Variants in MED12L observed in about 807,000 individuals in gnomAD.
The protein encoded by MED12L is mediator of RNA polymerase II transcription subunit 12-like protein.
MED12L carries 60 observed loss-of-function variants against 281.3 expected under a neutral mutation model. That is an observed-to-expected ratio of 0.21 (90% confidence interval 0.17 to 0.26). The LOEUF is 0.26. Among genes scored for constraint, MED12L ranks in the 10% least tolerant of loss-of-function variants. The probability of loss-of-function intolerance (pLI) is 1.00; values close to 1 mark genes in which losing one functional copy is unlikely to be tolerated. For missense variants in MED12L, 2,146 were observed against 2,680.9 expected, an observed-to-expected ratio of 0.80 and a Z score of 4.41; for synonymous variants, 974 against 987.2, an observed-to-expected ratio of 0.99 and a Z score of 0.25.
Position 151,218,448 on chromosome 3 carries a change from T to C in MED12L, c.2250+24782T>C, listed in dbSNP as rs142761522. 2.0e-3 allele frequency among the ~76,000 whole-genome samples: 298 copies of C among 152,364 alleles called. 2 individuals are homozygous for C. The highest frequency in any genetic ancestry group is 6.8e-3 in the African/African-American group (284 of 41,590). ...TCATTGATAGTTACTTCTGGTATTA[T>C]CACTGAATTTCTGCTGTGAAAGTTG... On this transcript the variant is annotated intron_variant, in intron 16 of 44. Transcript: ENST00000687756.
At chr3:151,222,968 A>T (rs1336636470) in intron 16 of MED12L, among the ~76,000 whole-genome samples, 1 of 152,128 alleles carries the variant, frequency 6.6e-6, no homozygotes, top group East Asian at 1.9e-4. Flanking sequence ...GTAAATTGGT[A>T]TTTTATACCT....
At chr3:151,257,786 A>C (rs1000831574) in intron 16 of MED12L, among the ~76,000 whole-genome samples, 2 of 152,170 alleles carry the variant, frequency 1.3e-5, no homozygotes, top group Admixed American at 1.3e-4. Flanking sequence ...TCTGGCTTAC[A>C]TTTTAGACCA....
At chr3:151,148,967 G>T (rs1052953550) in intron 5 of MED12L, among the ~76,000 whole-genome samples, 1 of 152,180 alleles carries the variant, frequency 6.6e-6, no homozygotes, top group African/African-American at 2.4e-5. Flanking sequence ...AAGGAATTTG[G>T]CCTTTTCCCT....
chr3:151,231,157 G>A (rs1731589099), intron 16 of MED12L, among the ~76,000 whole-genome samples: 1 of 152,162 alleles, frequency 6.6e-6, no homozygotes, highest in South Asian at 2.1e-4. Context: ...ATTACAAAAA[G>A]GTAGGATGCA....
chr3:151,230,665 T>C (rs1258238938), intron 16 of MED12L, among the ~76,000 whole-genome samples: 3 of 152,126 alleles, frequency 2.0e-5, no homozygotes, highest in Non-Finnish European at 1.5e-5. Flanking sequence ...TCAACGTCTC[T>C]TTCTAAGGGC....
intron 36 of MED12L, among the ~76,000 whole-genome samples, chr3:151,386,774 C>G (rs1353345279): frequency 6.6e-6 from 1 of 152,048 alleles, no homozygotes; most frequent in Non-Finnish European, 1.5e-5. Flanking sequence ...CGGAGTTTCA[C>G]CATCTTGGCC....
intron 2 of MED12L, among the ~76,000 whole-genome samples, chr3:151,115,127 A>G (rs1038071915): frequency 6.6e-6 from 1 of 152,134 alleles, no homozygotes; most frequent in Non-Finnish European, 1.5e-5. Flanking sequence ...TTGCAGCTCT[A>G]AACTTCCCTT....
At chr3:151,426,880 C>T (rs1382951978) in intron 43 of MED12L, among the ~76,000 whole-genome samples, 1 of 150,732 alleles carries the variant, frequency 6.6e-6, no homozygotes, top group Non-Finnish European at 1.5e-5. Context: ...TGCAGTGGTA[C>T]GATCACGGCT....
At position 151,296,524 on chromosome 3, in the gene MED12L, T is replaced by C. The variant is rs1039728050; in HGVS notation, c.2251-53535T>C. On this transcript the variant is annotated intron_variant, in intron 16 of 44. Transcript: ENST00000687756. The stretch of plus-strand genomic sequence containing the variant: ...CAAAGGACTTTGGCTGGAGGAGTAC[T>C]TACCAGTCTTCAAACCTTTTCTTTG... Among the ~76,000 whole-genome samples the C allele has an allele frequency of 5.9e-5, 9 of 152,248 alleles. No individual in the cohort carries two copies. In the East Asian group the frequency reaches 1.7e-3, roughly 29 times the overall value.
At chr3:151,354,827 A>T (rs1261105783) in intron 17 of MED12L, among the ~76,000 whole-genome samples, 3 of 152,214 alleles carry the variant, frequency 2.0e-5, no homozygotes, top group Non-Finnish European at 4.4e-5. Flanking sequence ...AGCATATACT[A>T]TATGATTTCC....
At chr3:151,225,507 T>C (rs1029360337) in intron 16 of MED12L, among the ~76,000 whole-genome samples, 1 of 152,142 alleles carries the variant, frequency 6.6e-6, no homozygotes, top group Non-Finnish European at 1.5e-5. Flanking sequence ...TCACGAGGCC[T>C]TTGCTATCAT....
intron 11 of MED12L, among the ~76,000 whole-genome samples, chr3:151,174,235 A>T (rs1341347662): frequency 6.6e-6 from 1 of 152,168 alleles, no homozygotes; most frequent in Admixed American, 6.5e-5. Flanking sequence ...TATTTTAAAT[A>T]TGAGAGACAT....
intron 28 of MED12L, 53 bp downstream of exon 28, chr3:151,376,267 T>C (rs1756841958): frequency 7.8e-7 from 1 of 1,285,260 alleles, no homozygotes; most frequent in African/African-American, 1.5e-5. Context: ...TTCGTAATAA[T>C]AAAAAGAGTT....
chr3:151,258,946 C>T (rs1213022988), intron 16 of MED12L, among the ~76,000 whole-genome samples: 2 of 152,034 alleles, frequency 1.3e-5, no homozygotes, highest in East Asian at 3.9e-4. Flanking sequence ...GTGCTGTTAG[C>T]CTCTGCAGGC....
At chr3:151,178,157 CAAAAAAAAAAAA>C (rs10572929) in intron 11 of MED12L, among the ~76,000 whole-genome samples, 41 of 49,170 alleles carry the variant, frequency 8.3e-4, no homozygotes, top group African/African-American at 2.0e-3. Flanking sequence ...GACTTGGTCT[CAAAAAAAAAAAA>C]AAAAAAAAAA....
At chr3:151,180,886 A>G (rs190170706) in intron 11 of MED12L, among the ~76,000 whole-genome samples, 13 of 152,330 alleles carry the variant, frequency 8.5e-5, no homozygotes, top group African/African-American at 3.1e-4. Flanking sequence ...ATTTCACTAC[A>G]TTGTTTAACA....
At chr3:151,293,985 C>T in intron 16 of MED12L, 1 of 576,538 alleles carries the variant, frequency 1.7e-6, no homozygotes, top group Non-Finnish European at 3.1e-6. Context: ...GCCATTCACC[C>T]ATACGCTACC....
chr3:151,429,395 G>A (rs1034834603), intron 43 of MED12L, among the ~76,000 whole-genome samples: 2 of 152,136 alleles, frequency 1.3e-5, no homozygotes, highest in African/African-American at 4.8e-5. Flanking sequence ...GCACCGTGCT[G>A]GTGTATGTGC....
intron 2 of MED12L, among the ~76,000 whole-genome samples, chr3:151,111,063 CTG>C (rs1711803568): frequency 6.6e-6 from 1 of 152,232 alleles, no homozygotes; most frequent in African/African-American, 2.4e-5. Flanking sequence ...AGTGGGAACT[CTG>C]TGGGTGGGAC....
Sources: gnomAD v4.1 joint callset for allele counts (sites outside exome capture counted in the v4.1 genomes callset) on GRCh38, gnomAD v4.1.1 for gene constraint, MANE v1.5 for transcripts, NCBI Gene and HGNC (gene_info 2026-07-23, HGNC 2026-07-21) for gene names.